UPF2: variants seen among roughly 807,000 people sequenced by gnomAD.
UPF2 encodes the protein regulator of nonsense transcripts 2.
UPF2 carries 17 observed loss-of-function variants against 141.4 expected under a neutral mutation model. The observed-to-expected ratio is 0.12, with a 90% confidence interval of 0.08 to 0.18. The LOEUF (loss-of-function observed/expected upper bound fraction) is 0.18. Among genes scored for constraint, UPF2 ranks in the 10% least tolerant of loss-of-function variants. UPF2 has a pLI of 1.00. For missense variants in UPF2, 1,152 were observed against 1,515.9 expected (o/e 0.76, Z 3.99); for synonymous variants, 540 against 498.0 (o/e 1.08, Z -1.12).
chr10:11,981,944 A>G (rs1354280400), intron 8 of UPF2, among the ~76,000 whole-genome samples: 6 of 152,162 alleles, frequency 3.9e-5, no homozygotes, highest in East Asian at 1.9e-4. Context: ...TTGACCTCCA[A>G]AAGTGCTGGG....
At chr10:11,990,910 C>A (rs1352384117) in intron 8 of UPF2, among the ~76,000 whole-genome samples, 1 of 150,632 alleles carries the variant, frequency 6.6e-6, no homozygotes, top group Non-Finnish European at 1.5e-5. Context: ...ATGGTGTGAA[C>A]CCAGGAGGCG....
In UPF2 at chr10:11,992,099, G is replaced by A. The variant is rs1222304625; in HGVS notation, c.1844+5573C>T. Among the ~76,000 whole-genome samples, 1 of 151,774 alleles carries A rather than the reference G, an allele frequency of 6.6e-6. No homozygotes were observed. The highest frequency in any genetic ancestry group is 1.5e-5 in the Non-Finnish European group (1 of 67,996). On this transcript the variant is annotated intron_variant, in intron 8 of 21. Transcript: ENST00000357604. The surrounding 1 kb of genome is among the most constrained non-coding windows in gnomAD (Gnocchi z 4.1). ...GCAGAGGTTGCAGTGAGCCAAGATCGCGCCACTGCACTCCAGCATGGGCAA... is the reference window on the plus strand; with the variant it reads ...GCAGAGGTTGCAGTGAGCCAAGATCACGCCACTGCACTCCAGCATGGGCAA...
chr10:11,957,728 G>A (rs1462982890), intron 12 of UPF2, among the ~76,000 whole-genome samples: 1 of 152,096 alleles, frequency 6.6e-6, no homozygotes, highest in African/African-American at 2.4e-5. Context: ...ATGTTGGCCA[G>A]GCTAGTCTCG....
chr10:12,029,550 A>C, intron 2 of UPF2, 26 bp from the exon 3 acceptor site: 1 of 1,548,862 alleles, frequency 6.5e-7, no homozygotes, highest in African/African-American at 1.4e-5. Flanking sequence ...CAAATAAATA[A>C]AATACTCTCT....
rs1455596492 is a variant in UPF2, at chr10:11,983,787, CCTT to C, written c.1845-4625_1845-4623del. ...GGTCAATGCTTGTGATTTTCTTGTT[CCTT>C]CTTCTTAGAATTTTTAATATATGAA... is the stretch of plus-strand genomic sequence containing the variant. On this transcript the variant is annotated intron_variant, in intron 8 of 21. Transcript: ENST00000357604. Among the ~76,000 whole-genome samples the C allele has an allele frequency of 3.9e-5, 6 of 152,172 alleles. No individual in the cohort carries two copies. In the South Asian group the frequency reaches 6.2e-4, roughly 16 times the overall value.
rs768088548 is a variant in UPF2 at position 11,979,315 on chromosome 10, A to C, written c.1845-150T>G. The C allele has an allele frequency of 8.1e-5, 43 of 533,824 alleles. No homozygotes were observed. The highest frequency in any genetic ancestry group is 1.1e-4 in the Non-Finnish European group (35 of 306,742). 33.1% of individuals were successfully genotyped at this position (533,824 alleles called of 1,614,324 possible). A position where few individuals can be genotyped will look rare whatever the true frequency, so the allele number is the denominator to read the frequency against. On this transcript the variant is annotated intron_variant, in intron 8 of 21. Transcript: ENST00000357604. The surrounding 1 kb of genome is among the most constrained non-coding windows in gnomAD (Gnocchi z 6.2). ...TGCCTATTTATTGCCATCATAAAGA[A>C]GTGTTTGAAAATTCAATGAGCCTTC...
chr10:11,938,175 A>C (rs1407829221), intron 18 of UPF2, among the ~76,000 whole-genome samples: 1 of 152,194 alleles, frequency 6.6e-6, no homozygotes, highest in Non-Finnish European at 1.5e-5. Context: ...ACCACAATGC[A>C]TATTGCTGTA....
chr10:11,964,215 T>G lies in UPF2; in HGVS notation c.2068-90A>C, dbSNP rs140863008. 47 of 884,058 alleles carry G rather than the reference T, an allele frequency of 5.3e-5. No homozygotes were observed. The African/African-American group carries it at 7.3e-4, about 14-fold the overall frequency. 54.8% of individuals were successfully genotyped at this position (884,058 alleles called of 1,614,324 possible). A position where few individuals can be genotyped will look rare whatever the true frequency, so the allele number is the denominator to read the frequency against. On this transcript the variant is annotated intron_variant, in intron 10 of 21. Coordinates refer to ENST00000357604, the MANE Select transcript of UPF2 (RefSeq NM_015542.4). ...TCATACATCTAATGTGTGTAACAAC[T>G]TGGAAAACGTAAAAAACAGAAGTGA...
chr10:12,035,814 G>C (rs1834615693), intron 1 of UPF2: 1 of 156,590 alleles, frequency 6.4e-6, no homozygotes, highest in South Asian at 2.0e-4. Context: ...TGAACATTTT[G>C]AGTCAGCTTT....
In UPF2 at chr10:11,921,445, C is replaced by T; in HGVS notation, c.3810-138G>A. On this transcript the variant is annotated intron_variant, in intron 21 of 21. Transcript: ENST00000357604. This position sits in a 1 kb window ranked among gnomAD's most constrained non-coding sequence, Gnocchi z 5.9. ...GTGGCCCTGGCATCTGCGGGTTCCA[C>T]ATCCATGGACCAAAAATATTCGGGG... is the stretch of plus-strand genomic sequence containing the variant. The T allele has an allele frequency of 1.1e-6, 1 of 893,324 alleles. No homozygotes were observed. Among genetic ancestry groups the T allele is most frequent in the Non-Finnish European group, 1.8e-6 (1 of 562,526 alleles). The allele number at this position is 893,324 out of a possible 1,614,324, so 55.3% of individuals were successfully genotyped here. A position where few individuals can be genotyped will look rare whatever the true frequency, so the allele number is the denominator to read the frequency against.
chr10:12,029,627 T>A, intron 2 of UPF2, 103 bp from the exon 3 acceptor site: 1 of 1,270,528 alleles, frequency 7.9e-7, no homozygotes, highest in Non-Finnish European at 1.1e-6. Context: ...TATCTAAGTA[T>A]AACAATCTAC....
chr10:11,964,319 C>T (rs79988099), intron 10 of UPF2, among the ~76,000 whole-genome samples, 194 bp from the exon 11 acceptor site: 21,424 of 152,162 alleles, frequency 0.14, 1,577 homozygotes, highest in South Asian at 0.27. Context: ...TATTTGACGT[C>T]TTTCACAGAA....
In UPF2 at chr10:11,921,345, G is replaced by C; in HGVS notation, c.3810-38C>G. 1 of 1,613,846 alleles carries C rather than the reference G, an allele frequency of 6.2e-7. No individual in the cohort carries two copies. Among genetic ancestry groups the C allele is most frequent in the Non-Finnish European group, 8.5e-7 (1 of 1,179,914 alleles). On this transcript the variant is annotated intron_variant, in intron 21 of 21. Transcript: ENST00000357604. This position sits in a 1 kb window ranked among gnomAD's most constrained non-coding sequence, Gnocchi z 5.9. Reference sequence around the variant, plus strand: ...ACAGGGTCACATCAGAGAGCTTACTGCCACAGGACAAAGTCCAGCAAGATG... The same window carrying C: ...ACAGGGTCACATCAGAGAGCTTACTCCCACAGGACAAAGTCCAGCAAGATG...
At chr10:11,961,169 G>A (rs974533992) in intron 11 of UPF2, among the ~76,000 whole-genome samples, 2 of 151,342 alleles carry the variant, frequency 1.3e-5, no homozygotes, top group Non-Finnish European at 2.9e-5. Flanking sequence ...CCAGTGAACA[G>A]GACAGACATG....
intron 3 of UPF2, among the ~76,000 whole-genome samples, chr10:12,020,998 G>C (rs148244154): frequency 3.3e-5 from 5 of 152,140 alleles, no homozygotes. Flanking sequence ...CTCTCGTTTG[G>C]ATTTGACTTG....
Position 12,016,647 on chromosome 10 carries a change from T to C in UPF2, c.1146-2463A>G, listed in dbSNP as rs925083137. On this transcript the variant is annotated intron_variant, in intron 3 of 21. Coordinates refer to ENST00000357604, the MANE Select transcript of UPF2 (RefSeq NM_015542.4). The surrounding 1 kb of genome is among the most constrained non-coding windows in gnomAD (Gnocchi z 4.1). ...AGGCAGAGGTTGCAGTGAGCCAAGA[T>C]TGCACCACTGTACTCCAGCCTGGGC... 6.6e-6 allele frequency among the ~76,000 whole-genome samples: 1 copy of C among 151,128 alleles called. No homozygotes were observed. The highest frequency in any genetic ancestry group is 1.5e-5 in the Non-Finnish European group (1 of 67,906).
chr10:12,039,358 C>G (rs1834693249), intron 1 of UPF2, among the ~76,000 whole-genome samples: 1 of 152,084 alleles, frequency 6.6e-6, no homozygotes, highest in Non-Finnish European at 1.5e-5. Context: ...TTATGAATCT[C>G]AAGAGTAGAA....
intron 19 of UPF2, among the ~76,000 whole-genome samples, chr10:11,932,268 T>C (rs1049218552): frequency 1.8e-4 from 28 of 152,146 alleles, no homozygotes; most frequent in Admixed American, 1.8e-3. Flanking sequence ...TTTTCCCCCT[T>C]TTTAGGTTCC....
chr10:11,973,022 T>A (rs531390377), intron 9 of UPF2, among the ~76,000 whole-genome samples: 7 of 152,344 alleles, frequency 4.6e-5, no homozygotes, highest in Non-Finnish European at 8.8e-5. Context: ...TGTTCCTATT[T>A]CTCCACGTCC....
Sources: allele counts gnomAD v4.1 joint callset (sites outside exome capture counted in the v4.1 genomes callset), GRCh38; gene constraint gnomAD v4.1.1; non-coding constraint Gnocchi (gnomAD v3.1); transcripts MANE v1.5; gene names NCBI Gene and HGNC (gene_info 2026-07-23, HGNC 2026-07-21).